Variants in GRM7 observed in about 807,000 individuals in gnomAD.
The protein encoded by GRM7 is metabotropic glutamate receptor 7.
A neutral mutation model predicts 84.5 loss-of-function variants in GRM7; 35 were observed. The ratio of observed to expected loss-of-function variants is 0.41; its 90% CI spans 0.32 to 0.55. The LOEUF (loss-of-function observed/expected upper bound fraction) is 0.55. GRM7 is among the 20% of genes least tolerant of loss of function. GRM7 has a pLI of 0.19. For missense variants in GRM7, 1,003 were observed against 1,194.6 expected (o/e 0.84, Z 2.36); for synonymous variants, 487 against 455.1 (o/e 1.07, Z -0.89).
intron 3 of GRM7, 129 bp downstream of exon 3, chr3:7,298,954 G>C (rs1375163073): frequency 2.5e-6 from 2 of 801,266 alleles, no homozygotes; most frequent in East Asian, 2.6e-5. Flanking sequence ...GGCGAAGTCT[G>C]TGCTTGCCTC....
Position 7,082,112 on chromosome 3 carries a change from A to G in GRM7, c.520-64340A>G, listed in dbSNP as rs538562144. ...ACACTAAACAACATATTTTCAATGC[A>G]GATAAAACAGGCTCCTGTTGGAAGA... On this transcript the variant is annotated intron_variant, in intron 1 of 9. Transcript: ENST00000357716. 3.9e-5 allele frequency among the ~76,000 whole-genome samples: 6 copies of G among 152,282 alleles called. No individual in the cohort carries two copies. The South Asian group carries it at 6.2e-4, about 16-fold the overall frequency.
At chr3:7,691,365 T>C in intron 9 of GRM7, 1 of 720,140 alleles carries the variant, frequency 1.4e-6, no homozygotes, top group Non-Finnish European at 1.9e-6. Flanking sequence ...TAACCTGGCA[T>C]GTGCTATCTT....
intron 1 of GRM7, among the ~76,000 whole-genome samples, chr3:6,998,137 A>AAAAAAAAAAAAAAAAAAAC (rs1694887959): frequency 1.4e-5 from 2 of 148,128 alleles, no homozygotes; most frequent in Non-Finnish European, 3.0e-5. Context: ...AAAAAAAAAA[A>AAAAAAAAAAAAAAAAAAAC]AAGCAGGTTA....
chr3:7,497,737 A>C (rs189650251), intron 7 of GRM7, among the ~76,000 whole-genome samples: 32 of 152,260 alleles, frequency 2.1e-4, no homozygotes, highest in African/African-American at 7.0e-4. Flanking sequence ...GAAATCAGTC[A>C]CTGATTCTTG....
At position 7,040,365 on chromosome 3, in the gene GRM7, C is replaced by T. The variant is rs375335516; in HGVS notation, c.520-106087C>T. Among the ~76,000 whole-genome samples the T allele has an allele frequency of 4.0e-4, 61 of 151,798 alleles. 1 individual carries two copies. The South Asian group carries it at 0.012, about 30-fold the overall frequency. On this transcript the variant is annotated intron_variant, in intron 1 of 9. Coordinates refer to ENST00000357716, the MANE Select transcript of GRM7 (RefSeq NM_000844.4). ...TCGCCCAGGCTGGGGTGCAGTGGCA[C>T]GATCTCCACTCACTGTAACCCCTGC... is the stretch of plus-strand genomic sequence containing the variant.
At chr3:7,262,139 T>G (rs1294285602) in intron 2 of GRM7, among the ~76,000 whole-genome samples, 1 of 151,826 alleles carries the variant, frequency 6.6e-6, no homozygotes, top group Non-Finnish European at 1.5e-5. Flanking sequence ...ATCTGATGGT[T>G]ATGTGTCTTA....
intron 7 of GRM7, among the ~76,000 whole-genome samples, chr3:7,485,468 C>G (rs1371300114): frequency 1.3e-5 from 2 of 152,174 alleles, no homozygotes; most frequent in African/African-American, 4.8e-5. Flanking sequence ...TACCACAAGT[C>G]CCTAAGTTTC....
chr3:7,299,280 T>C (rs763120200), intron 3 of GRM7, among the ~76,000 whole-genome samples: 4 of 152,152 alleles, frequency 2.6e-5, no homozygotes, highest in Non-Finnish European at 5.9e-5. Context: ...TTGATCTTTC[T>C]TGGACTCAAA....
At chr3:6,912,632 CT>C (rs1484170222) in intron 1 of GRM7, among the ~76,000 whole-genome samples, 1 of 152,046 alleles carries the variant, frequency 6.6e-6, no homozygotes, top group Non-Finnish European at 1.5e-5. Flanking sequence ...ACTTCAATGT[CT>C]TTTTTACAGT....
At position 7,174,029 on chromosome 3, in the gene GRM7, T is replaced by G. The variant is rs200828837; in HGVS notation, c.736+27361T>G. 2.0e-5 allele frequency among the ~76,000 whole-genome samples: 3 copies of G among 152,322 alleles called. No individual in the cohort carries two copies. In the East Asian group the frequency reaches 5.8e-4, roughly 29 times the overall value. ...TGTTGAATGCCCACAGTAAGAGAGA[T>G]ATTTCTTTTGAGGCAGAAAGTGAGG... On this transcript the variant is annotated intron_variant, in intron 2 of 9. Coordinates refer to ENST00000357716, the MANE Select transcript of GRM7 (RefSeq NM_000844.4).
At chr3:7,560,626 G>C (rs140442408) in intron 7 of GRM7, among the ~76,000 whole-genome samples, 6 of 152,062 alleles carry the variant, frequency 3.9e-5, no homozygotes, top group African/African-American at 1.4e-4. Flanking sequence ...CACTAGATTT[G>C]TTGGTGCATT....
At chr3:7,117,420 T>C (rs1022574053) in intron 1 of GRM7, among the ~76,000 whole-genome samples, 7 of 152,202 alleles carry the variant, frequency 4.6e-5, no homozygotes, top group Admixed American at 6.5e-5. Context: ...TTGGAACCCA[T>C]AGACTAACCC....
intron 2 of GRM7, among the ~76,000 whole-genome samples, chr3:7,261,743 A>G (rs1472922241): frequency 6.6e-6 from 1 of 152,176 alleles, no homozygotes; most frequent in East Asian, 1.9e-4. Flanking sequence ...TTTCCTTTCC[A>G]TACTTAGTAG....
intron 9 of GRM7, among the ~76,000 whole-genome samples, chr3:7,687,023 C>T (rs139958334): frequency 9.9e-4 from 150 of 152,086 alleles, no homozygotes; most frequent in African/African-American, 3.2e-3. Context: ...GTTTACTGGC[C>T]GGGATTGATA....
intron 7 of GRM7, among the ~76,000 whole-genome samples, chr3:7,546,781 A>G (rs1243508689): frequency 1.3e-5 from 2 of 152,158 alleles, no homozygotes; most frequent in Non-Finnish European, 2.9e-5. Context: ...CAATAAGAGC[A>G]TTTGTTTTGG....
chr3:7,701,171 C>A (rs939943684), intron 9 of GRM7, among the ~76,000 whole-genome samples: 1 of 152,160 alleles, frequency 6.6e-6, no homozygotes, highest in Non-Finnish European at 1.5e-5. Flanking sequence ...CATAACGATA[C>A]AGGGGACCTT....
At chr3:7,087,942 A>G (rs1032179340) in intron 1 of GRM7, among the ~76,000 whole-genome samples, 1 of 152,214 alleles carries the variant, frequency 6.6e-6, no homozygotes, top group Admixed American at 6.5e-5. Flanking sequence ...AAACCAATGG[A>G]ATAAACAAAT....
At chr3:7,515,697 A>G (rs549141755) in intron 7 of GRM7, among the ~76,000 whole-genome samples, 2 of 152,312 alleles carry the variant, frequency 1.3e-5, no homozygotes, top group African/African-American at 4.8e-5. Flanking sequence ...ACTCACAAGT[A>G]ATCCATGAGC....
At chr3:7,187,686 A>AGGAGC (rs1695568051) in intron 2 of GRM7, among the ~76,000 whole-genome samples, 1 of 152,210 alleles carries the variant, frequency 6.6e-6, no homozygotes. Context: ...ATGCAGATTA[A>AGGAGC]GGAGCAGTTT....
Sources: gnomAD v4.1 joint callset for allele counts (sites outside exome capture counted in the v4.1 genomes callset) on GRCh38, gnomAD v4.1.1 for gene constraint, MANE v1.5 for transcripts, NCBI Gene and HGNC (gene_info 2026-07-23, HGNC 2026-07-21) for gene names.